RAP1GDS1: variants seen among roughly 807,000 people sequenced by gnomAD.
RAP1GDS1 encodes Rap1 GTPase-GDP dissociation stimulator 1, also known as RAP1, GTP-GDP dissociation stimulator 1.
RAP1GDS1 carries 35 observed loss-of-function variants against 71.1 expected under a neutral mutation model. That is an observed-to-expected ratio of 0.49 (90% CI 0.38 to 0.65). The LOEUF is 0.65. Ranked by LOEUF, RAP1GDS1 falls within the 30% of genes least tolerant of loss-of-function variation. RAP1GDS1 has a pLI of 0.00. For missense variants in RAP1GDS1, 663 were observed against 706.1 expected (o/e 0.94, Z 0.69); for synonymous variants, 229 against 243.1 (o/e 0.94, Z 0.54).
chr4:98,272,862 T>C (rs916785541), intron 1 of RAP1GDS1, among the ~76,000 whole-genome samples: 1 of 152,160 alleles, frequency 6.6e-6, no homozygotes, highest in African/African-American at 2.4e-5. Context: ...TCATTGTTGT[T>C]GCGTAGGATG....
chr4:98,320,435 G>A (rs184046579), intron 2 of RAP1GDS1, among the ~76,000 whole-genome samples: 8 of 152,310 alleles, frequency 5.3e-5, no homozygotes, highest in Admixed American at 3.9e-4. Flanking sequence ...AGTGTAGGGG[G>A]GAGGAGCCAA....
intron 3 of RAP1GDS1, among the ~76,000 whole-genome samples, chr4:98,350,506 A>T (rs1425078695): frequency 1.3e-5 from 2 of 152,078 alleles, no homozygotes; most frequent in Non-Finnish European, 2.9e-5. Context: ...TAGAAGTTCG[A>T]CACCAGCCAG....
intron 12 of RAP1GDS1, among the ~76,000 whole-genome samples, chr4:98,431,865 A>T (rs948251470): frequency 1.3e-5 from 2 of 152,244 alleles, no homozygotes; most frequent in African/African-American, 4.8e-5. Flanking sequence ...ATATTCTATA[A>T]GGCAAAATGA....
At chr4:98,413,578 C>T (rs1747427982) in intron 7 of RAP1GDS1, among the ~76,000 whole-genome samples, 1 of 151,572 alleles carries the variant, frequency 6.6e-6, no homozygotes, top group Admixed American at 6.6e-5. Context: ...CATAGTATTC[C>T]ATGGTGTATA....
chr4:98,421,435 T>C (rs755089786), intron 12 of RAP1GDS1, 41 bp downstream of exon 12: 4 of 1,524,072 alleles, frequency 2.6e-6, no homozygotes, highest in Non-Finnish European at 3.5e-6. Context: ...AACTTCAGAG[T>C]GTCTTTTTCA....
chr4:98,296,832 T>C, intron 2 of RAP1GDS1: 1 of 332,758 alleles, frequency 3.0e-6, no homozygotes. Flanking sequence ...CAAGAGAAAC[T>C]ATTAGTTTAA....
chr4:98,285,315 G>A lies in RAP1GDS1; in HGVS notation c.5-8093G>A, dbSNP rs533140077. On this transcript the variant is annotated intron_variant, in intron 1 of 14. Coordinates refer to ENST00000408927, the MANE Select transcript of RAP1GDS1 (RefSeq NM_001100427.2). ...CTTGTTCTTTATTCTGACATTAATT[G>A]TCTTGAAGAGATATTAATTGACTGT... 1.2e-4 allele frequency among the ~76,000 whole-genome samples: 19 copies of A among 152,220 alleles called. No individual in the cohort carries two copies. In the South Asian group the frequency reaches 2.3e-3, roughly 18 times the overall value.
chr4:98,311,327 CAA>C (rs1730186657), intron 2 of RAP1GDS1, among the ~76,000 whole-genome samples: 1 of 152,078 alleles, frequency 6.6e-6, no homozygotes, highest in African/African-American at 2.4e-5. Context: ...GGAATTTTGT[CAA>C]AGACTCTTAA....
rs139559440 is a variant in RAP1GDS1, at chr4:98,431,502, A to G, written c.1441-2434A>G. Among the ~76,000 whole-genome samples the G allele has an allele frequency of 3.6e-3, 542 of 152,340 alleles. 3 individuals carry two copies. Among genetic ancestry groups the G allele is most frequent in the African/African-American group, 0.012 (508 of 41,572 alleles). The stretch of plus-strand genomic sequence containing the variant: ...TATATATACCAAAATTTAGCTTTCT[A>G]TAAGAATAGAACTATGAAATAAAAC... On this transcript the variant is annotated intron_variant, in intron 12 of 14. Transcript: ENST00000408927.
chr4:98,294,782 T>A (rs915211466), intron 2 of RAP1GDS1, among the ~76,000 whole-genome samples: 7 of 152,172 alleles, frequency 4.6e-5, no homozygotes, highest in African/African-American at 1.4e-4. Context: ...TGGATAGCAC[T>A]GGTCTAGAAA....
At position 98,442,121 on chromosome 4, in the gene RAP1GDS1, C is replaced by T; in HGVS notation, c.*4C>T. On this transcript the variant is annotated 3_prime_UTR_variant, in exon 15 of 15. Transcript: ENST00000408927. ...GAGACTTACTGTGGAAAGCTGAGAA[C>T]TGCCCGATACACGGCATCATCCCAT... 1.9e-6 allele frequency: 3 copies of T among 1,612,212 alleles called. No individual in the cohort carries two copies. Among genetic ancestry groups the T allele is most frequent in the East Asian group, 2.2e-5 (1 of 44,858 alleles).
chr4:98,404,361 A>C, intron 6 of RAP1GDS1, 116 bp from the exon 7 acceptor site: 5 of 968,274 alleles, frequency 5.2e-6, no homozygotes, highest in Non-Finnish European at 7.2e-6. Flanking sequence ...GATTGTTCCC[A>C]TATTTGAAGA....
chr4:98,335,102 G>C (rs1468210658), intron 2 of RAP1GDS1, among the ~76,000 whole-genome samples: 1 of 152,108 alleles, frequency 6.6e-6, no homozygotes, highest in East Asian at 1.9e-4. Flanking sequence ...GCCTGCTGAA[G>C]TCCCCTAGAA....
At position 98,417,475 on chromosome 4, in the gene RAP1GDS1, C is replaced by A. The variant is rs376495645; in HGVS notation, c.1016C>A (p.Ala339Glu). The change falls in exon 9 of 15, where the codon GCA becomes GAA. Residue 339 changes from alanine to glutamate, a missense_variant. Transcript: ENST00000408927. ...CAGCTACAGCTTGCTGGAGCATTGG[C>A]AATTGCAAATTTTGCCAGAAATGGT... The part of the protein sequence containing the change: ...NHQLQLAGAL[A>E]IANFARNDAN... 6.2e-7 allele frequency: 1 copy of A among 1,613,846 alleles called. No individual in the cohort carries two copies. Among genetic ancestry groups the A allele is most frequent in the Admixed American group, 1.7e-5 (1 of 60,002 alleles).
At position 98,327,369 on chromosome 4, in the gene RAP1GDS1, G is replaced by A. The variant is rs562543078; in HGVS notation, c.113-15770G>A. Among the ~76,000 whole-genome samples the A allele has an allele frequency of 6.6e-5, 10 of 152,314 alleles. No homozygotes were observed. In the East Asian group the frequency reaches 1.9e-3, roughly 29 times the overall value. On this transcript the variant is annotated intron_variant, in intron 2 of 14. Coordinates refer to ENST00000408927, the MANE Select transcript of RAP1GDS1 (RefSeq NM_001100427.2). ...AATTGTTTTGAGATAATTATCCTTG[G>A]CTACAAGGATCACACTGGTCTGAGG...
intron 2 of RAP1GDS1, among the ~76,000 whole-genome samples, chr4:98,309,871 G>A (rs1366131187): frequency 6.7e-6 from 1 of 150,142 alleles, no homozygotes; most frequent in Non-Finnish European, 1.5e-5. Context: ...AATTTTCTAG[G>A]GTAATATATG....
chr4:98,342,150 C>T (rs990199407), intron 2 of RAP1GDS1, among the ~76,000 whole-genome samples: 9 of 152,050 alleles, frequency 5.9e-5, no homozygotes, highest in South Asian at 2.1e-4. Flanking sequence ...AAATATGTTA[C>T]GTACTTTTTT....
Position 98,334,551 on chromosome 4 carries a change from C to T in RAP1GDS1, c.113-8588C>T, listed in dbSNP as rs115649742. On this transcript the variant is annotated intron_variant, in intron 2 of 14. Transcript: ENST00000408927. ...TTTTTGGTTTTTTGTTTTTCACCCC[C>T]GCATGGCAGAAAAAGGAATTTTTAT... 4.3e-3 allele frequency among the ~76,000 whole-genome samples: 651 copies of T among 152,180 alleles called. 4 individuals are homozygous for T. The highest frequency in any genetic ancestry group is 0.015 in the African/African-American group (611 of 41,538).
chr4:98,366,665 C>G (rs985700713), intron 4 of RAP1GDS1, among the ~76,000 whole-genome samples: 1 of 152,042 alleles, frequency 6.6e-6, no homozygotes, highest in Non-Finnish European at 1.5e-5. Context: ...CTGAGGTGGT[C>G]TCAGATAGAA....
Sources: allele counts gnomAD v4.1 joint callset (sites outside exome capture counted in the v4.1 genomes callset), GRCh38; gene constraint gnomAD v4.1.1; transcripts MANE v1.5; gene names NCBI Gene and HGNC (gene_info 2026-07-23, HGNC 2026-07-21).